The following MYBPC1 variants were observed in gnomAD, a reference collection of about 807,000 sequenced individuals.
MYBPC1 encodes the protein myosin binding protein C1.
Under a neutral mutation model 147.1 loss-of-function variants are expected in MYBPC1, and 52 were observed. The ratio of observed to expected loss-of-function variants is 0.35; its 90% CI spans 0.28 to 0.45. The LOEUF (loss-of-function observed/expected upper bound fraction) is 0.45, where lower values mean the gene tolerates loss of function less well. Among genes scored for constraint, MYBPC1 ranks in the 20% least tolerant of loss-of-function variants. MYBPC1 has a pLI of 1.00. For missense variants in MYBPC1, 1,228 were observed against 1,440.3 expected (o/e 0.85, Z 2.39); for synonymous variants, 477 against 475.9 (o/e 1.00, Z -0.03).
chr12:101,597,037 ACTGT>A (rs1877533029), intron 1 of MYBPC1, among the ~76,000 whole-genome samples: 5 of 152,228 alleles, frequency 3.3e-5, no homozygotes, highest in Non-Finnish European at 5.9e-5. Context: ...TCTTAAAGGA[ACTGT>A]ACCTTGAAAA....
In MYBPC1 at chr12:101,642,462, G is replaced by A. The variant is rs746275195; in HGVS notation, c.709G>A (p.Glu237Lys). 7.4e-6 allele frequency: 12 copies of A among 1,613,998 alleles called. No individual in the cohort carries two copies. Among genetic ancestry groups the A allele is most frequent in the South Asian group, 4.4e-5 (4 of 90,998 alleles). ...GGAAGAACCCCAGGTGGACGTATGG[G>A]AGTTGCTGAAGAACGCGAAACCCAG... is the stretch of plus-strand genomic sequence containing the variant. The part of the protein sequence containing the change: ...QEEEPQVDVW[E>K]LLKNAKPSEY... Residue 237 changes from glutamate to lysine, a missense_variant, in exon 11 of 32, where the codon GAG (glutamate) becomes AAG (lysine). Transcript: ENST00000361466.
intron 11 of MYBPC1, 103 bp downstream of exon 11, chr12:101,642,688 TG>T: frequency 7.4e-7 from 1 of 1,350,036 alleles, no homozygotes; most frequent in South Asian, 1.3e-5. Flanking sequence ...CCCGCGGGGT[TG>T]GGAGTGGGGC....
At chr12:101,651,455 A>C in intron 16 of MYBPC1, 62 bp downstream of exon 16, 1 of 1,591,204 alleles carries the variant, frequency 6.3e-7, no homozygotes, top group Non-Finnish European at 8.6e-7. Flanking sequence ...TCCATTTTCT[A>C]AATTACATAT....
chr12:101,666,867 A>T, intron 22 of MYBPC1: 1 of 1,270,380 alleles, frequency 7.9e-7, no homozygotes, highest in Non-Finnish European at 1.1e-6. Context: ...TTGAATGACC[A>T]AGCATGAAGA....
Position 101,678,273 on chromosome 12 carries a change from C to T in MYBPC1, c.3246+35C>T, listed in dbSNP as rs374251280. On this transcript the variant is annotated intron_variant, in intron 28 of 31. Coordinates refer to ENST00000361466, the MANE Select transcript of MYBPC1 (RefSeq NM_002465.4). ...TCTTCTATCACATCAGTTAAAGTCC[C>T]TGTCTTGTATTTGTTGTGTTATAAT... The T allele has an allele frequency of 3.7e-5, 60 of 1,610,310 alleles. No homozygotes were observed. The Middle Eastern group carries it at 1.2e-3, about 31-fold the overall frequency.
chr12:101,659,072 T>A (rs1896080156), intron 18 of MYBPC1, among the ~76,000 whole-genome samples: 1 of 151,994 alleles, frequency 6.6e-6, no homozygotes, highest in South Asian at 2.1e-4. Context: ...AGAAAGAAAA[T>A]ATAATAGGAG....
intron 2 of MYBPC1, 45 bp from the exon 3 acceptor site, chr12:101,617,157 A>G (rs893498047): frequency 1.2e-6 from 2 of 1,600,944 alleles, no homozygotes; most frequent in African/African-American, 2.7e-5. Context: ...ACACAATAAA[A>G]TGCTTTAAGG....
At chr12:101,687,222 G>A (rs760904865), downstream of MYBPC1, among the ~76,000 whole-genome samples, 12 of 151,052 alleles carry the variant, frequency 7.9e-5, no homozygotes, top group East Asian at 1.2e-3. Context: ...ATCCCTCCCC[G>A]CTCCCCCCAC....
intron 1 of MYBPC1, among the ~76,000 whole-genome samples, chr12:101,603,038 G>A (rs953533953): frequency 2.0e-5 from 3 of 152,024 alleles, no homozygotes; most frequent in African/African-American, 7.2e-5. Flanking sequence ...TCTTGGGTTT[G>A]TGGGACTTTA....
Position 101,680,426 on chromosome 12 carries a change from C to T in MYBPC1, c.3330C>T (p.Thr1110=), listed in dbSNP as rs368046476. ...TGTTCAGCAACCAGGGAGTCTGTAC[C>T]CTGGAAATTCGCAAGCCCAGCCCCT... ...YRMFSNQGVC[T]LEIRKPSPYD... Residue 1110 remains threonine, a synonymous_variant, in exon 29 of 32, where the codon ACC becomes ACT. Transcript: ENST00000361466. 1.9e-6 allele frequency: 3 copies of T among 1,613,836 alleles called. No homozygotes were observed. Among genetic ancestry groups the T allele is most frequent in the African/African-American group, 2.7e-5 (2 of 74,834 alleles).
intron 27 of MYBPC1, 86 bp downstream of exon 27, chr12:101,677,480 G>C: frequency 6.7e-7 from 1 of 1,498,480 alleles, no homozygotes. Flanking sequence ...TGGTGAAAGG[G>C]AACAAAAAAA....
Position 101,680,696 on chromosome 12 carries a change from G to A in MYBPC1, c.3433+167G>A, listed in dbSNP as rs186153647. ...GCAGGGAGGGAATTAAGGGAGAGAA[G>A]ACATTTTTACATCCTGCATTCACTT... On this transcript the variant is annotated intron_variant, in intron 29 of 31. Transcript: ENST00000361466. Among the ~76,000 whole-genome samples the A allele has an allele frequency of 3.6e-3, 550 of 152,330 alleles. 5 individuals carry two copies. The highest frequency in any genetic ancestry group is 0.016 in the South Asian group (79 of 4,834).
chr12:101,688,788 C>T (rs993961307), downstream of MYBPC1, among the ~76,000 whole-genome samples: 1 of 151,326 alleles, frequency 6.6e-6, no homozygotes, highest in African/African-American at 2.4e-5. Context: ...TAACAAAACC[C>T]CATCTCTACA....
chr12:101,631,738 A>G lies in MYBPC1; in HGVS notation c.438+19A>G. 6.2e-7 allele frequency: 1 copy of G among 1,613,884 alleles called. No homozygotes were observed. Among genetic ancestry groups the G allele is most frequent in the Non-Finnish European group, 8.5e-7 (1 of 1,180,016 alleles). Reference sequence around the variant, plus strand: ...CAGTCGGGTAAGGCCCTGAACTCCCAGGACAGGCGCTCAGCTAGCGCATTC... The same window carrying G: ...CAGTCGGGTAAGGCCCTGAACTCCCGGGACAGGCGCTCAGCTAGCGCATTC... On this transcript the variant is annotated intron_variant, in intron 7 of 31. Coordinates refer to ENST00000361466, the MANE Select transcript of MYBPC1 (RefSeq NM_002465.4).
At chr12:101,637,052 T>C in intron 10 of MYBPC1, 13 of 61,336 alleles carry the variant, frequency 2.1e-4, no homozygotes, top group East Asian at 6.2e-4. Context: ...ACATATGATT[T>C]GGTAGAAGTC....
the MYBPC1 span, among the ~76,000 whole-genome samples, chr12:101,694,734 C>A: frequency 1.4e-5 from 2 of 146,332 alleles, no homozygotes; most frequent in Middle Eastern, 3.4e-3. Flanking sequence ...TTTATTATGA[C>A]AATCCAAGCT....
At chr12:101,651,478 T>C in intron 16 of MYBPC1, 85 bp downstream of exon 16, 2 of 1,551,516 alleles carry the variant, frequency 1.3e-6, no homozygotes, top group Non-Finnish European at 1.8e-6. Context: ...GGTGAGGATA[T>C]TTGAAGGGTA....
chr12:101,598,475 C>T (rs939258198), intron 1 of MYBPC1, among the ~76,000 whole-genome samples: 1 of 152,168 alleles, frequency 6.6e-6, no homozygotes, highest in Non-Finnish European at 1.5e-5. Flanking sequence ...AAATGATTTC[C>T]TCAGAATTTT....
At chr12:101,615,665 C>T (rs1885739306) in intron 2 of MYBPC1, among the ~76,000 whole-genome samples, 1 of 71,114 alleles carries the variant, frequency 1.4e-5, no homozygotes, top group Non-Finnish European at 2.7e-5. Flanking sequence ...ACCCCCCGCC[C>T]CCCCCCCGCC....
Sources: gnomAD v4.1 joint callset for allele counts (sites outside exome capture counted in the v4.1 genomes callset) on GRCh38, gnomAD v4.1.1 for gene constraint, MANE v1.5 for transcripts, NCBI Gene and HGNC (gene_info 2026-07-23, HGNC 2026-07-21) for gene names.